SLC24A2: variants seen among roughly 807,000 people sequenced by gnomAD.
The protein encoded by SLC24A2 is sodium/potassium/calcium exchanger 2.
Under a neutral mutation model 62.0 loss-of-function variants are expected in SLC24A2, and 36 were observed. The observed-to-expected ratio is 0.58, with a 90% CI of 0.44 to 0.77. The LOEUF is 0.77. SLC24A2 is among the 30% of genes least tolerant of loss of function. The pLI is 0.00. For synonymous variants in SLC24A2, 358 were observed against 294.0 expected (o/e 1.22, Z -2.23); for missense variants, 846 against 817.9 (o/e 1.03, Z -0.42).
chr9:20,264,140 T>C, the SLC24A2 span, among the ~76,000 whole-genome samples: 1 of 152,198 alleles, frequency 6.6e-6, no homozygotes, highest in South Asian at 2.1e-4. Context: ...TGCTCAGGTG[T>C]AACAAAGGCA....
chr9:19,556,292 C>A (rs534426332), intron 7 of SLC24A2, among the ~76,000 whole-genome samples: 17 of 152,286 alleles, frequency 1.1e-4, no homozygotes, highest in African/African-American at 4.1e-4. Flanking sequence ...AACATCAGGT[C>A]TTCGGTGGAG....
intron 9 of SLC24A2, among the ~76,000 whole-genome samples, chr9:19,522,050 C>A (rs1210942221): frequency 6.6e-6 from 1 of 152,052 alleles, no homozygotes. Context: ...GCTCTGTTGC[C>A]CAGGCTAGAG....
At chr9:19,719,262 A>G (rs975482856) in intron 2 of SLC24A2, among the ~76,000 whole-genome samples, 3 of 152,174 alleles carry the variant, frequency 2.0e-5, no homozygotes, top group African/African-American at 7.2e-5. Flanking sequence ...GGGACTTATT[A>G]CAACACTCTT....
chr9:20,034,862 T>C, the SLC24A2 span, among the ~76,000 whole-genome samples: 2 of 152,206 alleles, frequency 1.3e-5, no homozygotes, highest in Admixed American at 1.3e-4. Flanking sequence ...GAAAAAAAGA[T>C]TCCATTTTAA....
chr9:20,074,577 GGAAGGAAGGAAGGAAGGAAGGAAGGAAA>G, the SLC24A2 span, among the ~76,000 whole-genome samples: 3 of 82,878 alleles, frequency 3.6e-5, no homozygotes, highest in Admixed American at 1.3e-4. Context: ...AAGGAAGGAA[GGAAGGAAGGAAGGAAGGAAGGAAGGAAA>G]GAAGGGAGTG....
At chr9:20,129,876 G>A in the SLC24A2 span, among the ~76,000 whole-genome samples, 1 of 150,016 alleles carries the variant, frequency 6.7e-6, no homozygotes, top group Non-Finnish European at 1.5e-5. Context: ...GCACAGCATT[G>A]GGAATGTGCT....
chr9:19,526,587 T>C (rs922780281), intron 9 of SLC24A2, among the ~76,000 whole-genome samples: 1 of 152,212 alleles, frequency 6.6e-6, no homozygotes, highest in African/African-American at 2.4e-5. Flanking sequence ...TGATTTACAC[T>C]TCTTTAATTA....
At chr9:19,797,709 C>A in the SLC24A2 span, among the ~76,000 whole-genome samples, 1 of 152,188 alleles carries the variant, frequency 6.6e-6, no homozygotes, top group African/African-American at 2.4e-5. Context: ...TTATTATTCA[C>A]TTTATAGATT....
chr9:19,661,427 T>C (rs950073903), intron 2 of SLC24A2, among the ~76,000 whole-genome samples: 4 of 152,164 alleles, frequency 2.6e-5, no homozygotes, highest in African/African-American at 4.8e-5. Flanking sequence ...TCTTGCTTTA[T>C]CATCTTTTGG....
chr9:19,832,220 C>G, the SLC24A2 span, among the ~76,000 whole-genome samples: 1 of 152,186 alleles, frequency 6.6e-6, no homozygotes, highest in Non-Finnish European at 1.5e-5. Flanking sequence ...AACTGTAACC[C>G]AAACACCAGT....
At chr9:20,193,706 A>G in the SLC24A2 span, among the ~76,000 whole-genome samples, 1 of 152,228 alleles carries the variant, frequency 6.6e-6, no homozygotes, top group South Asian at 2.1e-4. Context: ...CAATAGAGAG[A>G]CATACAAAAA....
intron 2 of SLC24A2, among the ~76,000 whole-genome samples, chr9:19,732,530 G>A (rs1483633714): frequency 6.6e-6 from 1 of 152,174 alleles, no homozygotes; most frequent in African/African-American, 2.4e-5. Flanking sequence ...GTGTGATGTT[G>A]TGATCTATGC....
the SLC24A2 span, among the ~76,000 whole-genome samples, chr9:20,021,242 G>C: frequency 1.3e-5 from 2 of 152,160 alleles, no homozygotes; most frequent in East Asian, 3.9e-4. Context: ...ATACATGCAT[G>C]TTAGCGTGTA....
At chr9:19,808,034 T>G in the SLC24A2 span, among the ~76,000 whole-genome samples, 1 of 152,144 alleles carries the variant, frequency 6.6e-6, no homozygotes, top group African/African-American at 2.4e-5. This position sits in a 1 kb window ranked among gnomAD's most constrained non-coding sequence, Gnocchi z 4.1. Flanking sequence ...GAAAGACATT[T>G]GTGGGGAAAG....
intron 8 of SLC24A2, among the ~76,000 whole-genome samples, chr9:19,530,472 T>C (rs1833649635): frequency 6.6e-6 from 1 of 152,252 alleles, no homozygotes; most frequent in Non-Finnish European, 1.5e-5. Context: ...TTACTAAATG[T>C]ATAATTATTA....
chr9:20,081,664 C>G, the SLC24A2 span, among the ~76,000 whole-genome samples: 1 of 152,146 alleles, frequency 6.6e-6, no homozygotes, highest in East Asian at 1.9e-4. Flanking sequence ...ACCTGTAGGT[C>G]AAAGGGCATG....
intron 2 of SLC24A2, among the ~76,000 whole-genome samples, chr9:19,720,929 A>T (rs1229785869): frequency 6.7e-6 from 1 of 149,402 alleles, no homozygotes; most frequent in Non-Finnish European, 1.5e-5. Flanking sequence ...CCTTGATGTT[A>T]ATATTTTCAA....
the SLC24A2 span, among the ~76,000 whole-genome samples, chr9:20,174,030 C>T: frequency 6.6e-6 from 1 of 151,958 alleles, no homozygotes; most frequent in Non-Finnish European, 1.5e-5. Flanking sequence ...GAATAGAGAA[C>T]CCAGAAATAA....
At chr9:19,595,246 C>CACTT (rs1287822474) in intron 5 of SLC24A2, among the ~76,000 whole-genome samples, 1 of 152,198 alleles carries the variant, frequency 6.6e-6, no homozygotes, top group Non-Finnish European at 1.5e-5. Context: ...GAAGCTCTCC[C>CACTT]ACTTATTTAT....
Sources: gnomAD v4.1 joint callset for allele counts (sites outside exome capture counted in the v4.1 genomes callset) on GRCh38, gnomAD v4.1.1 for gene constraint, Gnocchi (gnomAD v3.1) non-coding constraint, MANE v1.5 for transcripts, NCBI Gene and HGNC (gene_info 2026-07-23, HGNC 2026-07-21) for gene names.